The following WWC2 variants were observed in gnomAD, a reference collection of about 807,000 sequenced individuals.
The protein encoded by WWC2 is WW and C2 domain containing 2.
Under a neutral mutation model 138.5 loss-of-function variants are expected in WWC2, and 101 were observed. That is an observed-to-expected ratio of 0.73 (90% CI 0.62 to 0.86). The LOEUF is 0.86. WWC2 is among the 40% of genes least tolerant of loss of function. The pLI is 0.00. For synonymous variants in WWC2, 558 were observed against 538.4 expected (o/e 1.04, Z -0.50); for missense variants, 1,420 against 1,419.4 (o/e 1.00, Z -0.01).
In WWC2 at chr4:183,292,362, TAGCTG is replaced by T. The variant is rs567321310; in HGVS notation, c.3384+2731_3384+2735del. Among the ~76,000 whole-genome samples, 761 of 151,222 alleles carry T rather than the reference TAGCTG, an allele frequency of 5.0e-3. 6 individuals are homozygous for T. The highest frequency in any genetic ancestry group is 0.01 in the Middle Eastern group (3 of 290). On this transcript the variant is annotated intron_variant, in intron 21 of 22. Coordinates refer to ENST00000403733, the MANE Select transcript of WWC2 (RefSeq NM_024949.6). ...ATCTCCATGGAAAAAAAAAAAAAGT[TAGCTG>T]AGCGTGGTGGCACACAGCTATATAG...
intron 1 of WWC2, among the ~76,000 whole-genome samples, chr4:183,178,493 A>C (rs1035417791): frequency 6.6e-6 from 1 of 151,738 alleles, no homozygotes; most frequent in Admixed American, 6.6e-5. Context: ...AGGCAGGAGG[A>C]TCACTTGAGC....
intron 1 of WWC2, among the ~76,000 whole-genome samples, chr4:183,181,419 G>C (rs1764929065): frequency 1.3e-5 from 2 of 152,172 alleles, no homozygotes; most frequent in South Asian, 2.1e-4. Context: ...ATGTTGACTT[G>C]CTTGATATCT....
intron 1 of WWC2, among the ~76,000 whole-genome samples, chr4:183,119,665 T>C (rs1732537785): frequency 1.3e-5 from 2 of 152,238 alleles, no homozygotes; most frequent in Admixed American, 1.3e-4. Flanking sequence ...ATGGACTTTT[T>C]TTTGGTTAAG....
chr4:183,113,508 GTGTGTGTGCGCGCGCGTGCGCGCGCACA>G (rs1367018032), intron 1 of WWC2, among the ~76,000 whole-genome samples: 1 of 149,726 alleles, frequency 6.7e-6, no homozygotes, highest in Non-Finnish European at 1.5e-5. Flanking sequence ...GTGTGTGTGT[GTGTGTGTGCGCGCGCGTGCGCGCGCACA>G]TGCACGTGCA....
chr4:183,292,078 C>G (rs1738471158), intron 21 of WWC2, among the ~76,000 whole-genome samples: 1 of 150,950 alleles, frequency 6.6e-6, no homozygotes, highest in Admixed American at 6.6e-5. Context: ...CACCTGTGGT[C>G]CCAATTACTT....
At chr4:183,214,132 T>C (rs950722961) in intron 4 of WWC2, among the ~76,000 whole-genome samples, 6 of 152,176 alleles carry the variant, frequency 3.9e-5, no homozygotes, top group African/African-American at 1.4e-4. Flanking sequence ...AATACAACTT[T>C]TAATTTTGTG....
In WWC2 at chr4:183,226,590, T is replaced by G. The variant is rs1736080096; in HGVS notation, c.523-13593T>G. 1.3e-5 allele frequency among the ~76,000 whole-genome samples: 2 copies of G among 151,778 alleles called. 1 individual carries two copies. The highest frequency in any genetic ancestry group is 4.9e-5 in the African/African-American group (2 of 41,210). ...GAAAGAAGACAGGGAGAAATAGAGA[T>G]AAAGACAATAATTAATGAAAATTTT... On this transcript the variant is annotated intron_variant, in intron 4 of 22. Coordinates refer to ENST00000403733, the MANE Select transcript of WWC2 (RefSeq NM_024949.6).
Position 183,269,093 on chromosome 4 carries a change from C to T in WWC2, c.2330C>T (p.Thr777Ile), listed in dbSNP as rs374130923. The change falls in exon 15 of 23, where the codon ACA becomes ATA. Residue 777 changes from threonine (T) to isoleucine (I), a missense_variant. Physicochemically the swap from Thr to Ile is moderately conservative, Grantham distance 89 (BLOSUM62 -1). Transcript: ENST00000403733. ...NDVFRVAISQTALQQKTLRVD... is the reference protein window; with the variant it reads ...NDVFRVAISQIALQQKTLRVD... Reference sequence around the variant, plus strand: ...GTGTTCAGAGTCGCCATTTCCCAAACAGCCTTACAACAGAAGACACTGAGG... The same window carrying T: ...GTGTTCAGAGTCGCCATTTCCCAAATAGCCTTACAACAGAAGACACTGAGG... The T allele has an allele frequency of 3.1e-6, 5 of 1,613,942 alleles. No individual in the cohort carries two copies. In the South Asian group the frequency reaches 5.5e-5, roughly 18 times the overall value.
At chr4:183,272,476 A>G (rs1303033263) in intron 16 of WWC2, among the ~76,000 whole-genome samples, 1 of 152,230 alleles carries the variant, frequency 6.6e-6, no homozygotes, top group Non-Finnish European at 1.5e-5. Flanking sequence ...CATTTGAAGC[A>G]CCCAACCCAG....
At chr4:183,269,353 T>A in intron 15 of WWC2, 190 bp downstream of exon 15, 1 of 727,238 alleles carries the variant, frequency 1.4e-6, no homozygotes, top group Non-Finnish European at 2.5e-6. Context: ...TCCAGACCTT[T>A]AAAATCTGCT....
intron 9 of WWC2, among the ~76,000 whole-genome samples, 168 bp from the exon 10 acceptor site, chr4:183,259,471 G>A (rs575764439): frequency 6.2e-4 from 95 of 152,228 alleles, no homozygotes; most frequent in African/African-American, 2.1e-3. Flanking sequence ...AGCTTGGCTC[G>A]TGCAGCTCTG....
chr4:183,166,105 A>T (rs1734120597), intron 1 of WWC2, among the ~76,000 whole-genome samples: 1 of 152,084 alleles, frequency 6.6e-6, no homozygotes, highest in African/African-American at 2.4e-5. Flanking sequence ...TCTACTTCTA[A>T]TTTTGTCCTA....
At chr4:183,127,573 A>G (rs546719637) in intron 1 of WWC2, among the ~76,000 whole-genome samples, 1 of 152,320 alleles carries the variant, frequency 6.6e-6, no homozygotes, top group East Asian at 1.9e-4. Context: ...AATATACAAC[A>G]TGAGGCCTAC....
intron 21 of WWC2, among the ~76,000 whole-genome samples, chr4:183,305,990 G>A: frequency 6.6e-6 from 1 of 152,170 alleles, no homozygotes; most frequent in East Asian, 1.9e-4. Context: ...AGGGACAAGA[G>A]GGAAGAATGA....
At chr4:183,169,362 C>T (rs571014834) in intron 1 of WWC2, among the ~76,000 whole-genome samples, 1 of 152,320 alleles carries the variant, frequency 6.6e-6, no homozygotes, top group Admixed American at 6.5e-5. Flanking sequence ...GTTTTTTACA[C>T]ATTTATCGAA....
intron 21 of WWC2, among the ~76,000 whole-genome samples, chr4:183,291,546 T>A (rs568682322): frequency 1.3e-5 from 2 of 152,352 alleles, no homozygotes; most frequent in African/African-American, 4.8e-5. Flanking sequence ...TCACAGTCTT[T>A]GACTGTTATG....
chr4:183,254,757 C>A (rs1737085515), intron 9 of WWC2, among the ~76,000 whole-genome samples: 1 of 152,166 alleles, frequency 6.6e-6, no homozygotes, highest in African/African-American at 2.4e-5. Context: ...ATCCTTTAGG[C>A]CAGCCAGTAA....
At chr4:183,178,296 T>C (rs1734521663) in intron 1 of WWC2, among the ~76,000 whole-genome samples, 1 of 151,878 alleles carries the variant, frequency 6.6e-6, no homozygotes, top group African/African-American at 2.4e-5. Flanking sequence ...ATTTCAACTC[T>C]TCGGGATACC....
At chr4:183,173,641 C>G (rs1467680640) in intron 1 of WWC2, among the ~76,000 whole-genome samples, 2 of 151,744 alleles carry the variant, frequency 1.3e-5, no homozygotes, top group African/African-American at 4.8e-5. Flanking sequence ...GTGCACGTCT[C>G]CCCTACCTGG....
Sources: allele counts gnomAD v4.1 joint callset (sites outside exome capture counted in the v4.1 genomes callset), GRCh38; gene constraint gnomAD v4.1.1; transcripts MANE v1.5; gene names NCBI Gene and HGNC (gene_info 2026-07-23, HGNC 2026-07-21).